Variants in ANO1 observed in about 807,000 individuals in gnomAD.
ANO1 encodes the protein anoctamin 1, also known as anoctamin-1.
Under a neutral mutation model 124.0 loss-of-function variants are expected in ANO1, and 59 were observed. That is an observed-to-expected ratio of 0.48 (90% CI 0.39 to 0.59). The LOEUF is 0.59. ANO1 is among the 20% of genes least tolerant of loss of function. ANO1 has a pLI of 0.00. For synonymous variants in ANO1, 529 were observed against 532.0 expected, an observed-to-expected ratio of 0.99 and a Z score of 0.08; for missense variants, 1,059 against 1,328.0, an observed-to-expected ratio of 0.80 and a Z score of 3.15.
intron 19 of ANO1, 64 bp from the exon 20 acceptor site, chr11:70,165,406 T>A: frequency 7.1e-7 from 1 of 1,410,834 alleles, no homozygotes; most frequent in Non-Finnish European, 9.8e-7. Flanking sequence ...TGGGCCTCCC[T>A]GCAGGGCTGG....
At chr11:70,017,940 C>T (rs1268934328) in intron 1 of ANO1, among the ~76,000 whole-genome samples, 3 of 152,152 alleles carry the variant, frequency 2.0e-5, no homozygotes, top group Non-Finnish European at 4.4e-5. Flanking sequence ...CCCTGATGGT[C>T]TCTGAGAGTT....
rs570180381 is a variant in ANO1, at chr11:70,049,076, G to A, written c.59-29466G>A. On this transcript the variant is annotated intron_variant, in intron 1 of 27. Transcript: ENST00000531349. ...GATGCTGGCCCCTGATTGCTTTCTG[G>A]TGGCTTATGAGAGGAGCTGGCTGTG... 4.6e-5 allele frequency among the ~76,000 whole-genome samples: 7 copies of A among 152,248 alleles called. No individual in the cohort carries two copies. The South Asian group carries it at 1.2e-3, about 27-fold the overall frequency.
At chr11:70,144,656 C>T (rs985800031) in intron 11 of ANO1, among the ~76,000 whole-genome samples, 1 of 152,240 alleles carries the variant, frequency 6.6e-6, no homozygotes, top group African/African-American at 2.4e-5. Flanking sequence ...CGCTGCCACC[C>T]TCTGTGCTGT....
intron 1 of ANO1, among the ~76,000 whole-genome samples, chr11:70,083,460 G>A (rs1280828616): frequency 6.6e-6 from 1 of 152,136 alleles, no homozygotes; most frequent in Non-Finnish European, 1.5e-5. Flanking sequence ...CCATGCATGG[G>A]AAGTTAGATG....
At chr11:70,093,786 C>T (rs1226535596) in intron 2 of ANO1, among the ~76,000 whole-genome samples, 1 of 152,206 alleles carries the variant, frequency 6.6e-6, no homozygotes. Context: ...CAAGTGAGGG[C>T]GGACTCCATG....
At chr11:69,998,312 T>C (rs1856313524) in intron 1 of ANO1, among the ~76,000 whole-genome samples, 1 of 152,208 alleles carries the variant, frequency 6.6e-6, no homozygotes, top group African/African-American at 2.4e-5. Context: ...TCTTGCCCCT[T>C]CCCCACCAAT....
At chr11:69,983,958 T>C (rs1855979804), upstream of ANO1, among the ~76,000 whole-genome samples, 1 of 152,180 alleles carries the variant, frequency 6.6e-6, no homozygotes, top group African/African-American at 2.4e-5. Context: ...TATACAATAG[T>C]CCATCCCTGC....
intron 11 of ANO1, among the ~76,000 whole-genome samples, chr11:70,139,705 C>A (rs1178200641): frequency 6.6e-6 from 1 of 152,194 alleles, no homozygotes; most frequent in Non-Finnish European, 1.5e-5. Context: ...AGTAATGCTG[C>A]AGTAAACATA....
At chr11:70,066,888 C>T (rs1555008665) in intron 1 of ANO1, among the ~76,000 whole-genome samples, 1 of 152,132 alleles carries the variant, frequency 6.6e-6, no homozygotes, top group South Asian at 2.1e-4. Context: ...TGCTGCTAGT[C>T]CAGCCAAGGA....
chr11:69,989,471 T>G (rs58680271), intron 1 of ANO1, among the ~76,000 whole-genome samples: 21,659 of 151,630 alleles, frequency 0.14, 1,640 homozygotes, highest in African/African-American at 0.17. Context: ...CTGGATGGAT[T>G]CCAGAACCAG....
chr11:70,024,441 AC>A (rs1267232405), intron 1 of ANO1, among the ~76,000 whole-genome samples: 1 of 152,170 alleles, frequency 6.6e-6, no homozygotes, highest in East Asian at 1.9e-4. Context: ...CGCCCGCTAG[AC>A]CTGCTTCCCC....
chr11:70,077,505 A>G (rs2044077281), upstream of ANO1, among the ~76,000 whole-genome samples: 1 of 152,154 alleles, frequency 6.6e-6, no homozygotes, highest in Non-Finnish European at 1.5e-5. Context: ...CCTTAGGGGA[A>G]GAAGACTTGA....
the ANO1 span, among the ~76,000 whole-genome samples, chr11:69,974,928 A>G: frequency 6.6e-6 from 1 of 151,214 alleles, no homozygotes; most frequent in African/African-American, 2.4e-5. Flanking sequence ...GGACACACAC[A>G]CAGAGGAATG....
chr11:70,073,387 C>A (rs919837467), upstream of ANO1, among the ~76,000 whole-genome samples: 1 of 152,222 alleles, frequency 6.6e-6, no homozygotes, highest in African/African-American at 2.4e-5. Flanking sequence ...CGTGTGAATG[C>A]ACTTGCAGAT....
chr11:70,112,549 TTTTC>T (rs1318515215), intron 7 of ANO1, among the ~76,000 whole-genome samples: 13 of 98,348 alleles, frequency 1.3e-4, no homozygotes, highest in African/African-American at 4.1e-4. Flanking sequence ...TCCTCTTTTC[TTTTC>T]TTTTTTTTTT....
At chr11:70,152,553 A>C (rs983832170) in intron 13 of ANO1, 92 bp downstream of exon 13, 13 of 1,416,880 alleles carry the variant, frequency 9.2e-6, no homozygotes, top group African/African-American at 1.4e-5. Context: ...TCTACCACGC[A>C]GTTCCCGCAG....
chr11:70,083,964 C>T (rs912903053), intron 1 of ANO1, among the ~76,000 whole-genome samples: 5 of 152,122 alleles, frequency 3.3e-5, no homozygotes, highest in Admixed American at 6.6e-5. Flanking sequence ...TTGCCCTGTG[C>T]CCTGAAAACC....
chr11:70,143,675 T>G (rs905029072), intron 11 of ANO1, among the ~76,000 whole-genome samples: 2 of 152,020 alleles, frequency 1.3e-5, no homozygotes, highest in Admixed American at 6.6e-5. Flanking sequence ...CACTGAGAAA[T>G]CCCGGATGAA....
the ANO1 span, among the ~76,000 whole-genome samples, chr11:69,969,855 G>A: frequency 6.6e-6 from 1 of 152,176 alleles, no homozygotes; most frequent in Non-Finnish European, 1.5e-5. Context: ...GCTGAGGCAG[G>A]AGAATCGCTT....
Sources: gnomAD v4.1 joint callset for allele counts (sites outside exome capture counted in the v4.1 genomes callset) on GRCh38, gnomAD v4.1.1 for gene constraint, MANE v1.5 for transcripts, NCBI Gene and HGNC (gene_info 2026-07-23, HGNC 2026-07-21) for gene names.